The following LRRC7 variants were observed in gnomAD, a reference collection of about 807,000 sequenced individuals.
LRRC7 encodes the protein leucine rich repeat containing 7.
A neutral mutation model predicts 175.7 loss-of-function variants in LRRC7; 23 were observed. The ratio of observed to expected loss-of-function variants is 0.13; its 90% CI spans 0.09 to 0.19. The LOEUF (loss-of-function observed/expected upper bound fraction) is 0.19. Among genes scored for constraint, LRRC7 ranks in the 10% least tolerant of loss-of-function variants. The pLI, the probability that LRRC7 is intolerant of heterozygous loss-of-function variation, is 1.00. For missense variants in LRRC7, 1,354 were observed against 1,904.7 expected, an observed-to-expected ratio of 0.71 and a Z score of 5.38; for synonymous variants, 685 against 680.9, an observed-to-expected ratio of 1.01 and a Z score of -0.09.
At chr1:69,954,186 G>A (rs1054915107) in intron 8 of LRRC7, among the ~76,000 whole-genome samples, 1 of 151,912 alleles carries the variant, frequency 6.6e-6, no homozygotes, top group African/African-American at 2.4e-5. Flanking sequence ...TTGGATAGGT[G>A]GGGAGGGGAG....
intron 3 of LRRC7, among the ~76,000 whole-genome samples, chr1:69,762,350 A>G (rs115585568): frequency 2.9e-3 from 438 of 152,098 alleles, no homozygotes; most frequent in African/African-American, 0.01. Flanking sequence ...GGATCTGACA[A>G]CCTAATTACA....
intron 7 of LRRC7, among the ~76,000 whole-genome samples, chr1:69,872,790 C>A (rs1438108053): frequency 6.6e-6 from 1 of 152,040 alleles, no homozygotes; most frequent in Non-Finnish European, 1.5e-5. Flanking sequence ...AGTCAAAATT[C>A]TTTTAATGTA....
chr1:69,669,667 C>T (rs1441112099), intron 1 of LRRC7, among the ~76,000 whole-genome samples: 1 of 152,164 alleles, frequency 6.6e-6, no homozygotes, highest in Non-Finnish European at 1.5e-5. Context: ...CTACCCCTAC[C>T]TCTACCACCT....
chr1:69,717,956 G>GA (rs771672433), intron 2 of LRRC7, among the ~76,000 whole-genome samples: 9,866 of 54,054 alleles, frequency 0.18, 818 homozygotes, highest in South Asian at 0.3. Flanking sequence ...AAGAAAGAAA[G>GA]AAGAAAAAGA....
intron 26 of LRRC7, among the ~76,000 whole-genome samples, chr1:70,115,480 T>C (rs779754853): frequency 2.0e-5 from 3 of 152,184 alleles, no homozygotes; most frequent in Non-Finnish European, 4.4e-5. Context: ...AGTCACTCTA[T>C]TTGATTCTGA....
chr1:69,742,824 A>G (rs1055615733), intron 2 of LRRC7, among the ~76,000 whole-genome samples: 1 of 152,024 alleles, frequency 6.6e-6, no homozygotes, highest in South Asian at 2.1e-4. Flanking sequence ...ATTGTAATGT[A>G]TAAATGACAA....
intron 7 of LRRC7, among the ~76,000 whole-genome samples, chr1:69,882,466 T>C (rs1208165015): frequency 6.6e-6 from 1 of 152,148 alleles, no homozygotes; most frequent in Non-Finnish European, 1.5e-5. Context: ...TAAATGCCTA[T>C]TGACTGATGA....
At chr1:69,980,349 C>T (rs751724425) in intron 8 of LRRC7, 30 bp from the exon 9 acceptor site, 20 of 1,555,820 alleles carry the variant, frequency 1.3e-5, no homozygotes, top group Non-Finnish European at 1.7e-5. Flanking sequence ...TTTTGTTTTC[C>T]TCTCTCCTTC....
At chr1:69,738,816 G>T (rs372864856) in intron 2 of LRRC7, among the ~76,000 whole-genome samples, 1 of 151,822 alleles carries the variant, frequency 6.6e-6, no homozygotes, top group Non-Finnish European at 1.5e-5. Flanking sequence ...CTTGGCAGAC[G>T]GAGTAGAAAA....
At chr1:70,049,610 T>A (rs1660597973) in intron 22 of LRRC7, among the ~76,000 whole-genome samples, 2 of 152,106 alleles carry the variant, frequency 1.3e-5, no homozygotes, top group African/African-American at 4.8e-5. Context: ...GTGACTAAAT[T>A]TACCAAAATA....
At chr1:69,708,132 A>G (rs1276230388) in intron 2 of LRRC7, among the ~76,000 whole-genome samples, 2 of 152,184 alleles carry the variant, frequency 1.3e-5, no homozygotes, top group African/African-American at 4.8e-5. Flanking sequence ...TCTGATGTCC[A>G]TCAGCACCCT....
Position 70,121,985 on chromosome 1 carries a change from G to A in LRRC7, c.*98G>A, listed in dbSNP as rs1666233317. ...AATTTTGCCAATTGCTGGACCAATG[G>A]CAAACATTAGTGCCAAATGTATAAT... On this transcript the variant is annotated 3_prime_UTR_variant, in exon 27 of 27. Coordinates refer to ENST00000651989, the MANE Select transcript of LRRC7 (RefSeq NM_001370785.2). 6.7e-6 allele frequency: 5 copies of A among 745,318 alleles called. No homozygotes were observed. The highest frequency in any genetic ancestry group is 1.2e-5 in the Non-Finnish European group (5 of 427,902). 46.2% of individuals were successfully genotyped at this position (745,318 alleles called of 1,614,324 possible). A position where few individuals can be genotyped will look rare whatever the true frequency, so the allele number is the denominator to read the frequency against.
At chr1:69,914,241 G>A (rs1361133339) in intron 7 of LRRC7, among the ~76,000 whole-genome samples, 1 of 152,090 alleles carries the variant, frequency 6.6e-6, no homozygotes, top group South Asian at 2.1e-4. Flanking sequence ...GAAATTTATG[G>A]GAAAACAACA....
chr1:69,709,518 A>G (rs1022347190), intron 2 of LRRC7, among the ~76,000 whole-genome samples: 1 of 152,202 alleles, frequency 6.6e-6, no homozygotes, highest in Non-Finnish European at 1.5e-5. Flanking sequence ...GTCTTTGATG[A>G]CAAGAGTCTT....
At chr1:70,013,595 G>A (rs1053234377) in intron 13 of LRRC7, among the ~76,000 whole-genome samples, 3 of 151,910 alleles carry the variant, frequency 2.0e-5, no homozygotes, top group African/African-American at 4.8e-5. Context: ...GATGAATGAG[G>A]AAAGGATAGG....
intron 7 of LRRC7, among the ~76,000 whole-genome samples, chr1:69,856,857 A>G (rs1200726465): frequency 6.6e-6 from 1 of 152,210 alleles, no homozygotes; most frequent in Non-Finnish European, 1.5e-5. Flanking sequence ...CAATGCAAAA[A>G]TCCTCAATAA....
intron 2 of LRRC7, among the ~76,000 whole-genome samples, chr1:69,741,078 C>T (rs750364608): frequency 6.6e-6 from 1 of 151,872 alleles, no homozygotes; most frequent in Non-Finnish European, 1.5e-5. Context: ...GCATGTTGTT[C>T]TACAGGCTAG....
At chr1:70,024,462 G>T (rs1283358858) in intron 17 of LRRC7, among the ~76,000 whole-genome samples, 1 of 151,748 alleles carries the variant, frequency 6.6e-6, no homozygotes, top group Non-Finnish European at 1.5e-5. Flanking sequence ...TTACATCTAA[G>T]ATACAAAGAA....
intron 3 of LRRC7, among the ~76,000 whole-genome samples, chr1:69,779,709 T>C (rs1287056741): frequency 2.0e-5 from 3 of 152,234 alleles, no homozygotes; most frequent in African/African-American, 7.2e-5. Flanking sequence ...ATATTTATTG[T>C]TTTCTAGGAT....
Sources: gnomAD v4.1 joint callset for allele counts (sites outside exome capture counted in the v4.1 genomes callset) on GRCh38, gnomAD v4.1.1 for gene constraint, MANE v1.5 for transcripts, NCBI Gene and HGNC (gene_info 2026-07-23, HGNC 2026-07-21) for gene names.